Variants in CCDC85A observed in about 807,000 individuals in gnomAD.
CCDC85A encodes coiled-coil domain-containing protein 85A.
Under a neutral mutation model 50.2 loss-of-function variants are expected in CCDC85A, and 38 were observed. The observed-to-expected ratio is 0.76, with a 90% CI of 0.58 to 0.99. The LOEUF is 0.99. Ranked by LOEUF, CCDC85A falls within the 50% of genes least tolerant of loss-of-function variation. The pLI is 0.00. For synonymous variants in CCDC85A, 366 were observed against 301.4 expected (o/e 1.21, Z -2.22); for missense variants, 820 against 742.0 (o/e 1.11, Z -1.22).
intron 2 of CCDC85A, among the ~76,000 whole-genome samples, chr2:56,240,335 C>G (rs564510453): frequency 7.0e-4 from 106 of 152,290 alleles, no homozygotes; most frequent in African/African-American, 2.5e-3. Flanking sequence ...AACCGAGTAA[C>G]TAATGGGAAA....
At chr2:56,355,775 T>C (rs1453740776) in intron 3 of CCDC85A, among the ~76,000 whole-genome samples, 1 of 152,222 alleles carries the variant, frequency 6.6e-6, no homozygotes, top group Non-Finnish European at 1.5e-5. Flanking sequence ...CAATCTGACT[T>C]AAATGTAGTA....
intron 2 of CCDC85A, among the ~76,000 whole-genome samples, chr2:56,213,954 A>G (rs1366609374): frequency 6.6e-6 from 1 of 151,922 alleles, no homozygotes. Flanking sequence ...ACAGCACGAT[A>G]TGACAGGTGA....
At chr2:56,249,581 T>G (rs937429727) in intron 2 of CCDC85A, among the ~76,000 whole-genome samples, 1 of 152,240 alleles carries the variant, frequency 6.6e-6, no homozygotes, top group Non-Finnish European at 1.5e-5. Context: ...TTAGATCAGC[T>G]GCCTTTGCGT....
At chr2:56,334,214 G>A (rs1343551711) in intron 2 of CCDC85A, among the ~76,000 whole-genome samples, 1 of 152,262 alleles carries the variant, frequency 6.6e-6, no homozygotes, top group East Asian at 1.9e-4. Context: ...TTCACCGCTG[G>A]AATGTGGGCT....
chr2:56,273,706 A>G (rs1324155268), intron 2 of CCDC85A, among the ~76,000 whole-genome samples: 1 of 140,050 alleles, frequency 7.1e-6, no homozygotes, highest in East Asian at 2.2e-4. Context: ...ATATATATAT[A>G]TATCACACTA....
intron 2 of CCDC85A, among the ~76,000 whole-genome samples, chr2:56,291,959 A>G (rs1226779041): frequency 6.6e-6 from 1 of 152,150 alleles, no homozygotes; most frequent in Non-Finnish European, 1.5e-5. Flanking sequence ...CTACAGTGGT[A>G]TTTAAAGAGA....
At chr2:56,278,351 A>G (rs1214399769) in intron 2 of CCDC85A, among the ~76,000 whole-genome samples, 1 of 151,946 alleles carries the variant, frequency 6.6e-6, no homozygotes, top group Non-Finnish European at 1.5e-5. Context: ...TATATCCTTC[A>G]ACTGTGCTGT....
chr2:56,253,905 A>C (rs1261612304), intron 2 of CCDC85A, among the ~76,000 whole-genome samples: 1 of 152,106 alleles, frequency 6.6e-6, no homozygotes, highest in Admixed American at 6.5e-5. Flanking sequence ...GACAGGTGTG[A>C]TTGGTTTTGT....
At chr2:56,188,403 T>C (rs1238581630) in intron 1 of CCDC85A, among the ~76,000 whole-genome samples, 1 of 152,232 alleles carries the variant, frequency 6.6e-6, no homozygotes, top group Admixed American at 6.5e-5. Flanking sequence ...GAGAAGTGTA[T>C]GTTTCACTCC....
chr2:56,209,452 C>T (rs565672156), intron 2 of CCDC85A, among the ~76,000 whole-genome samples: 222 of 143,654 alleles, frequency 1.5e-3, no homozygotes, highest in South Asian at 8.2e-3. Context: ...TTTCTTTTAG[C>T]ACTAAATGTT....
intron 3 of CCDC85A, among the ~76,000 whole-genome samples, chr2:56,358,121 A>G (rs1054481792): frequency 1.3e-5 from 2 of 152,178 alleles, no homozygotes; most frequent in Admixed American, 6.5e-5. Flanking sequence ...CTCTTGAAGC[A>G]AGATAATCTG....
In CCDC85A at chr2:56,363,639, C is replaced by A. The variant is rs1358102333; in HGVS notation, c.1318-8705C>A. Among the ~76,000 whole-genome samples, 4 of 152,172 alleles carry A rather than the reference C, an allele frequency of 2.6e-5. No homozygotes were observed. In the East Asian group the frequency reaches 5.8e-4, roughly 22 times the overall value. On this transcript the variant is annotated intron_variant, in intron 3 of 5. Transcript: ENST00000407595. Reference sequence around the variant, plus strand: ...CCAAAGCTAGGGCAGCAAACACCACCTCACAGTGGAATATTTCTTAGTCAA... The same window carrying A: ...CCAAAGCTAGGGCAGCAAACACCACATCACAGTGGAATATTTCTTAGTCAA...
chr2:56,292,869 G>A (rs757383297), intron 2 of CCDC85A, among the ~76,000 whole-genome samples: 8 of 152,166 alleles, frequency 5.3e-5, no homozygotes, highest in Non-Finnish European at 1.0e-4. Context: ...GAGATAGTGT[G>A]CAAACCTATA....
At chr2:56,207,856 T>A (rs1380185860) in intron 2 of CCDC85A, among the ~76,000 whole-genome samples, 1 of 152,140 alleles carries the variant, frequency 6.6e-6, no homozygotes, top group Non-Finnish European at 1.5e-5. Flanking sequence ...CAATAAACTT[T>A]TACTAAGAAA....
chr2:56,368,484 G>T (rs897290232), intron 3 of CCDC85A, among the ~76,000 whole-genome samples: 8 of 152,100 alleles, frequency 5.3e-5, no homozygotes, highest in Admixed American at 4.6e-4. Context: ...GCCTTGCCCT[G>T]TAATAAGGGA....
Position 56,193,267 on chromosome 2 carries a change from G to A in CCDC85A, c.1067G>A (p.Gly356Asp). Residue 356 changes from glycine to aspartate, a missense_variant, in exon 2 of 6, where the codon GGC (glycine) becomes GAC (aspartate). Coordinates refer to ENST00000407595, the MANE Select transcript of CCDC85A (RefSeq NM_001080433.2). ...CTAGAGCATCTCCCCAGAGCCAGGG[G>A]CACCAGCCCGGAGCACCTCAAACAA... ...GSLEHLPRARGTSPEHLKQHY... is the reference protein window; with the variant it reads ...GSLEHLPRARDTSPEHLKQHY... The A allele has an allele frequency of 3.7e-6, 6 of 1,613,474 alleles. No individual in the cohort carries two copies. Among genetic ancestry groups the A allele is most frequent in the Non-Finnish European group, 5.1e-6 (6 of 1,179,760 alleles).
intron 1 of CCDC85A, among the ~76,000 whole-genome samples, chr2:56,185,129 G>GC (rs746654537): frequency 1.7e-5 from 1 of 57,876 alleles, no homozygotes; most frequent in African/African-American, 5.0e-5. Flanking sequence ...CTGGCTGTTC[G>GC]GGGAGGCGCT....
intron 2 of CCDC85A, among the ~76,000 whole-genome samples, chr2:56,229,230 T>C (rs1294170441): frequency 2.0e-5 from 3 of 152,206 alleles, no homozygotes; most frequent in African/African-American, 7.2e-5. Flanking sequence ...CCAGTGTTTT[T>C]CCCCTTTACC....
At chr2:56,186,284 T>C (rs894557688) in intron 1 of CCDC85A, among the ~76,000 whole-genome samples, 1 of 152,172 alleles carries the variant, frequency 6.6e-6, no homozygotes, top group African/African-American at 2.4e-5. Context: ...GCTAGTGTAG[T>C]AGGAAGATGA....
Sources: gnomAD v4.1 joint callset for allele counts (sites outside exome capture counted in the v4.1 genomes callset) on GRCh38, gnomAD v4.1.1 for gene constraint, MANE v1.5 for transcripts, NCBI Gene and HGNC (gene_info 2026-07-23, HGNC 2026-07-21) for gene names.